The following PRDM2 variants were observed in gnomAD, a reference collection of about 807,000 sequenced individuals.
The protein encoded by PRDM2 is PR/SET domain 2.
A neutral mutation model predicts 130.0 loss-of-function variants in PRDM2; 30 were observed. The observed-to-expected ratio is 0.23, with a 90% confidence interval of 0.17 to 0.31. The LOEUF (loss-of-function observed/expected upper bound fraction) is 0.31. PRDM2 is among the 10% of genes least tolerant of loss of function. The pLI is 1.00. For missense variants in PRDM2, 2,011 were observed against 2,108.4 expected (o/e 0.95, Z 0.90); for synonymous variants, 871 against 782.4 (o/e 1.11, Z -1.89).
intron 2 of PRDM2, among the ~76,000 whole-genome samples, chr1:13,727,586 G>A (rs1220619017): frequency 2.6e-5 from 4 of 152,102 alleles, no homozygotes; most frequent in Non-Finnish European, 4.4e-5. Flanking sequence ...GCCACTGATC[G>A]GAAGGCATGT....
chr1:13,783,234 T>G (rs1213963818), intron 8 of PRDM2: 2 of 492,922 alleles, frequency 4.1e-6, no homozygotes, highest in Admixed American at 2.2e-5. Flanking sequence ...AGTTCATTAG[T>G]AAACCATGTT....
chr1:13,805,359 G>T (rs768833378), intron 8 of PRDM2, among the ~76,000 whole-genome samples: 41 of 152,154 alleles, frequency 2.7e-4, no homozygotes, highest in Non-Finnish European at 5.3e-4. Flanking sequence ...CCTCCTTTGG[G>T]TTCCTGCCCT....
At chr1:13,794,233 C>T (rs1425255297) in intron 8 of PRDM2, among the ~76,000 whole-genome samples, 2 of 152,170 alleles carry the variant, frequency 1.3e-5, no homozygotes, top group African/African-American at 4.8e-5. Context: ...GGCACCTCCT[C>T]CAAGAAGCCT....
At chr1:13,784,653 T>G (rs1164671097) in intron 8 of PRDM2, among the ~76,000 whole-genome samples, 2 of 152,230 alleles carry the variant, frequency 1.3e-5, no homozygotes, top group African/African-American at 2.4e-5. Context: ...AAAAATCATG[T>G]CTCTTCTTTG....
chr1:13,727,775 G>A (rs528508433), intron 2 of PRDM2, among the ~76,000 whole-genome samples: 3 of 152,312 alleles, frequency 2.0e-5, no homozygotes, highest in Admixed American at 6.5e-5. Flanking sequence ...AGTAGATGGT[G>A]CAACTTATTT....
chr1:13,761,743 A>G (rs1644103236), intron 6 of PRDM2, among the ~76,000 whole-genome samples: 1 of 152,114 alleles, frequency 6.6e-6, no homozygotes, highest in Admixed American at 6.5e-5. Flanking sequence ...TTTCAAACTC[A>G]AGCAGAGACA....
chr1:13,804,874 C>A (rs1330588778), intron 8 of PRDM2, among the ~76,000 whole-genome samples: 2 of 152,168 alleles, frequency 1.3e-5, no homozygotes, highest in African/African-American at 4.8e-5. Flanking sequence ...GTCAATGCAG[C>A]TGCTCTATGG....
chr1:13,736,863 C>T (rs1643288789), intron 4 of PRDM2, among the ~76,000 whole-genome samples: 1 of 152,076 alleles, frequency 6.6e-6, no homozygotes, highest in South Asian at 2.1e-4. Flanking sequence ...TTCATTCAGG[C>T]AACAAATTTT....
chr1:13,780,030 G>A lies in PRDM2; in HGVS notation c.2235G>A (p.Gln745=). 1 of 1,614,154 alleles carries A rather than the reference G, an allele frequency of 6.2e-7. No individual in the cohort carries two copies. The highest frequency in any genetic ancestry group is 1.1e-5 in the South Asian group (1 of 91,084). ...CCAGCTCTCCTCCCAGTTCTCCACA[G>A]CACAGTCCTGCCCTTCGAGACTTTG... ...RRTSSPPSSP[Q]HSPALRDFGK... Residue 745 remains glutamine (Q), a synonymous_variant, in exon 8 of 10, where the codon CAG becomes CAA. Transcript: ENST00000311066.
chr1:13,822,014 T>G (rs981587766), intron 9 of PRDM2, among the ~76,000 whole-genome samples: 1 of 152,192 alleles, frequency 6.6e-6, no homozygotes, highest in East Asian at 1.9e-4. Context: ...GGGATCTGTG[T>G]TGCCTGCCAT....
intron 5 of PRDM2, among the ~76,000 whole-genome samples, chr1:13,743,909 A>G (rs1238817372): frequency 6.6e-6 from 1 of 152,136 alleles, no homozygotes; most frequent in Non-Finnish European, 1.5e-5. Flanking sequence ...TCTAGTAGGT[A>G]TTACTCTACA....
chr1:13,782,143 T>C lies in PRDM2; in HGVS notation c.4348T>C (p.Cys1450Arg). 1 of 1,613,910 alleles carries C rather than the reference T, an allele frequency of 6.2e-7. No homozygotes were observed. The highest frequency in any genetic ancestry group is 1.3e-5 in the African/African-American group (1 of 75,030). Residue 1450 changes from cysteine (C) to arginine (R), a missense_variant, in exon 8 of 10, where the codon TGT (cysteine) becomes CGT (arginine). Coordinates refer to ENST00000311066, the MANE Select transcript of PRDM2 (RefSeq NM_001393986.1). ...GCAGAAGGCCGACTTGAAAAATGCT[T>C]GTGAGTCATCCTCTCACATCTGCCC... ...AKQKADLKNACESSSHICPYC... is the reference protein window; with the variant it reads ...AKQKADLKNARESSSHICPYC...
At chr1:13,715,423 G>C (rs1642502736) in intron 1 of PRDM2, 118 bp from the exon 2 acceptor site, 1 of 416,332 alleles carries the variant, frequency 2.4e-6, no homozygotes, top group East Asian at 3.9e-5. Flanking sequence ...AAGTTGATTT[G>C]GCATAGAGTT....
In PRDM2 at chr1:13,780,137, C is replaced by T. The variant is rs1335517846; in HGVS notation, c.2342C>T (p.Ser781Leu). 1 of 1,609,780 alleles carries T rather than the reference C, an allele frequency of 6.2e-7. No individual in the cohort carries two copies. The highest frequency in any genetic ancestry group is 1.7e-5 in the Admixed American group (1 of 59,752). The change falls in exon 8 of 10, where the codon TCA becomes TTA. Residue 781 changes from serine (S) to leucine (L), a missense_variant. This residue lies in a region of PRDM2 where 1,288 missense variants were observed against 1,237.7 expected (regional missense o/e 1.04). Transcript: ENST00000311066. Reference sequence around the variant, plus strand: ...TCCAAATTAGAAAGTCACAGCGACTCACCAGCATGGAGTTTGTCTGGGAGA... The same window carrying T: ...TCCAAATTAGAAAGTCACAGCGACTTACCAGCATGGAGTTTGTCTGGGAGA... The part of the protein sequence containing the change: ...KKSKLESHSD[S>L]PAWSLSGRDE...
rs752056648 is a variant in PRDM2, at chr1:13,775,523, TA to T, written c.622+2336del. Among the ~76,000 whole-genome samples, 24 of 152,238 alleles carry T rather than the reference TA, an allele frequency of 1.6e-4. No individual in the cohort carries two copies. The East Asian group carries it at 3.7e-3, about 23-fold the overall frequency. On this transcript the variant is annotated intron_variant, in intron 7 of 9. Transcript: ENST00000311066. Reference sequence around the variant, plus strand: ...GCTCATGGAATTTATGAAATTAGTCTAGGGGGAGAGAAGGCTGTTTCTGTTT... The same window carrying T: ...GCTCATGGAATTTATGAAATTAGTCTGGGGGAGAGAAGGCTGTTTCTGTTT...
At chr1:13,794,389 AGTTCTACCCAGGC>A (rs1172032297) in intron 8 of PRDM2, among the ~76,000 whole-genome samples, 3 of 152,170 alleles carry the variant, frequency 2.0e-5, no homozygotes, top group African/African-American at 7.2e-5. Context: ...CTTAGATGAG[AGTTCTACCCAGGC>A]AGGAACTTTG....
chr1:13,815,942 C>T (rs563976818), intron 8 of PRDM2, among the ~76,000 whole-genome samples: 2 of 152,290 alleles, frequency 1.3e-5, no homozygotes, highest in African/African-American at 4.8e-5. Flanking sequence ...AGCCCATGTG[C>T]AGGTGTGTTT....
At position 13,816,438 on chromosome 1, in the gene PRDM2, G is replaced by A. The variant is rs754582779; in HGVS notation, c.5048G>A (p.Arg1683His). The change falls in exon 9 of 10, where the codon CGC (arginine) becomes CAC (histidine). Residue 1683 changes from arginine (R) to histidine (H), a missense_variant. Physicochemically the swap from Arg to His is conservative, Grantham distance 29. This residue lies in a region of PRDM2 where 410 missense variants were observed against 395.9 expected (regional missense o/e 1.04). Transcript: ENST00000311066. ...QELKDFSYSL[R>H]LASRCSPPAA... The stretch of plus-strand genomic sequence containing the variant: ...CTCTTCCTGCACAGCTACAGCCTCC[G>A]CTTGGCGTCCCGATGCTCTCCACCA... 2.9e-5 allele frequency: 46 copies of A among 1,613,962 alleles called. No homozygotes were observed. The highest frequency in any genetic ancestry group is 3.2e-5 in the Non-Finnish European group (38 of 1,180,016).
At chr1:13,801,349 G>A (rs148919267) in intron 8 of PRDM2, among the ~76,000 whole-genome samples, 8 of 152,348 alleles carry the variant, frequency 5.3e-5, no homozygotes, top group South Asian at 2.1e-4. Context: ...CAGAGTGAGC[G>A]GTCAGTGGCT....
Sources: gnomAD v4.1 joint callset for allele counts (sites outside exome capture counted in the v4.1 genomes callset) on GRCh38, gnomAD v4.1.1 for gene constraint, gnomAD v4.1.1 regional missense constraint, MANE v1.5 for transcripts, NCBI Gene and HGNC (gene_info 2026-07-23, HGNC 2026-07-21) for gene names.